SLC30A7: variants seen among roughly 807,000 people sequenced by gnomAD.
SLC30A7 encodes the protein solute carrier family 30 member 7.
SLC30A7 carries 35 observed loss-of-function variants against 46.0 expected under a neutral mutation model. That is an observed-to-expected ratio of 0.76 (90% CI 0.58 to 1.01). The LOEUF (loss-of-function observed/expected upper bound fraction) is 1.01, where lower values mean the gene tolerates loss of function less well. Among genes scored for constraint, SLC30A7 ranks in the 50% least tolerant of loss-of-function variants. The pLI, the probability that SLC30A7 is intolerant of heterozygous loss-of-function variation, is 0.00. For missense variants in SLC30A7, 464 were observed against 451.1 expected (o/e 1.03, Z -0.26); for synonymous variants, 147 against 157.8 (o/e 0.93, Z 0.51).
At chr1:100,985,435 A>G (rs550523678), downstream of SLC30A7, among the ~76,000 whole-genome samples, 1 of 152,336 alleles carries the variant, frequency 6.6e-6, no homozygotes, top group African/African-American at 2.4e-5. Flanking sequence ...TAACGTTTAT[A>G]TGGAAAGGCA....
At chr1:100,948,936 C>A (rs151031086) in intron 8 of SLC30A7, among the ~76,000 whole-genome samples, 8 of 152,190 alleles carry the variant, frequency 5.3e-5, no homozygotes, top group Non-Finnish European at 5.9e-5. Context: ...ATTCATCTAA[C>A]CTTTTTTCAA....
chr1:100,909,127 A>G (rs1400475275), intron 3 of SLC30A7, among the ~76,000 whole-genome samples: 1 of 151,994 alleles, frequency 6.6e-6, no homozygotes, highest in Non-Finnish European at 1.5e-5. Flanking sequence ...AACACTATGA[A>G]TAATTGGTAT....
intron 8 of SLC30A7, chr1:100,941,137 T>G (rs1654320462): frequency 3.0e-6 from 1 of 334,694 alleles, no homozygotes; most frequent in African/African-American, 2.2e-5. Flanking sequence ...GCCACCAAAG[T>G]TTCCTTCCTT....
chr1:100,995,959 T>C, the SLC30A7 span: 2 of 152,228 alleles, frequency 1.3e-5, no homozygotes, highest in Non-Finnish European at 2.9e-5. Flanking sequence ...GAGTCTTTAA[T>C]AGACTTATGC....
intron 6 of SLC30A7, among the ~76,000 whole-genome samples, chr1:100,914,596 G>A (rs570258552): frequency 6.6e-6 from 1 of 152,048 alleles, no homozygotes; most frequent in Non-Finnish European, 1.5e-5. Context: ...GTTATGAGGT[G>A]TTTATCAACT....
At chr1:100,935,023 G>A (rs934160641) in intron 8 of SLC30A7, among the ~76,000 whole-genome samples, 1 of 152,098 alleles carries the variant, frequency 6.6e-6, no homozygotes. Flanking sequence ...AAAAAATTCA[G>A]TGCCATGATT....
At chr1:100,914,394 T>C (rs973331091) in intron 6 of SLC30A7, among the ~76,000 whole-genome samples, 2 of 152,194 alleles carry the variant, frequency 1.3e-5, no homozygotes, top group African/African-American at 4.8e-5. Context: ...AACAATTGCA[T>C]TTTAGGAAAT....
chr1:100,946,818 A>G (rs1222434034), intron 8 of SLC30A7, among the ~76,000 whole-genome samples: 1 of 152,056 alleles, frequency 6.6e-6, no homozygotes, highest in African/African-American at 2.4e-5. Context: ...GTTAGGGAGG[A>G]TGCCCTCTTT....
At chr1:100,901,924 G>T (rs1651331027) in intron 2 of SLC30A7, among the ~76,000 whole-genome samples, 2 of 151,814 alleles carry the variant, frequency 1.3e-5, no homozygotes, top group Non-Finnish European at 2.9e-5. Flanking sequence ...GTAACCTTAG[G>T]TATTCTCTAT....
intron 7 of SLC30A7, among the ~76,000 whole-genome samples, chr1:100,920,537 A>T (rs1473613506): frequency 6.6e-6 from 1 of 152,030 alleles, no homozygotes; most frequent in Non-Finnish European, 1.5e-5. Flanking sequence ...ACGAAAAGTT[A>T]TATGTAGGTA....
At position 100,949,051 on chromosome 1, in the gene SLC30A7, A is replaced by G. The variant is rs1004116132; in HGVS notation, c.843-12777A>G. On this transcript the variant is annotated intron_variant, in intron 8 of 10. Transcript: ENST00000357650. ...TACTTCTGTCAACTCGTCTAAGTCCAGCTTTGTTCTGTTGCTGGTGAGGAG... is the reference window on the plus strand; with the variant it reads ...TACTTCTGTCAACTCGTCTAAGTCCGGCTTTGTTCTGTTGCTGGTGAGGAG... Among the ~76,000 whole-genome samples the G allele has an allele frequency of 2.0e-5, 3 of 152,114 alleles. No individual in the cohort carries two copies. The East Asian group carries it at 5.8e-4, about 29-fold the overall frequency.
chr1:100,963,767 C>CT (rs1208624910), intron 9 of SLC30A7, among the ~76,000 whole-genome samples: 2 of 152,130 alleles, frequency 1.3e-5, no homozygotes, highest in Non-Finnish European at 2.9e-5. Flanking sequence ...TAAATAGTCA[C>CT]ATATGTCTAG....
intron 8 of SLC30A7, among the ~76,000 whole-genome samples, chr1:100,922,309 A>G (rs1305303725): frequency 1.3e-5 from 2 of 152,004 alleles, no homozygotes; most frequent in Admixed American, 6.6e-5. Flanking sequence ...TTTGCCATGT[A>G]TTTGTTACCT....
intron 8 of SLC30A7, among the ~76,000 whole-genome samples, chr1:100,926,824 G>A (rs868593600): frequency 8.6e-4 from 131 of 152,120 alleles, no homozygotes; most frequent in African/African-American, 3.1e-3. Flanking sequence ...TAAAGCAAAC[G>A]AACATGCAAA....
At chr1:100,946,785 A>C (rs1179076873) in intron 8 of SLC30A7, among the ~76,000 whole-genome samples, 1 of 152,140 alleles carries the variant, frequency 6.6e-6, no homozygotes, top group East Asian at 1.9e-4. Context: ...TGGTATCTGC[A>C]TGATGCTGGC....
intron 8 of SLC30A7, 86 bp downstream of exon 8, chr1:100,921,927 T>C: frequency 8.2e-7 from 1 of 1,221,114 alleles, no homozygotes; most frequent in Non-Finnish European, 1.1e-6. Context: ...ATACAAATAA[T>C]TATGTTGGTT....
rs115923620 is a variant in SLC30A7, at chr1:100,903,021, A to G, written c.183-3831A>G. 7.0e-3 allele frequency among the ~76,000 whole-genome samples: 1,063 copies of G among 152,266 alleles called. 20 individuals are homozygous for G. Among genetic ancestry groups the G allele is most frequent in the African/African-American group, 0.024 (1,018 of 41,578 alleles). On this transcript the variant is annotated intron_variant, in intron 2 of 10. Coordinates refer to ENST00000357650, the MANE Select transcript of SLC30A7 (RefSeq NM_133496.5). ...TTTACAATGAATGCCCTGCCTTCTAAAACTGATTACAGTAATTTAAAATAA... is the reference window on the plus strand; with the variant it reads ...TTTACAATGAATGCCCTGCCTTCTAGAACTGATTACAGTAATTTAAAATAA...
chr1:100,942,591 C>T (rs185409997), intron 8 of SLC30A7, among the ~76,000 whole-genome samples: 33 of 152,262 alleles, frequency 2.2e-4, no homozygotes, highest in Admixed American at 3.9e-4. Flanking sequence ...AAGTGAAAAG[C>T]TGAGAATGGC....
intron 8 of SLC30A7, among the ~76,000 whole-genome samples, chr1:100,960,631 G>A (rs964911379): frequency 6.6e-6 from 1 of 152,018 alleles, no homozygotes; most frequent in African/African-American, 2.4e-5. Context: ...TTCACCTACA[G>A]CTATTATCTG....
Sources: gnomAD v4.1 joint callset for allele counts (sites outside exome capture counted in the v4.1 genomes callset) on GRCh38, gnomAD v4.1.1 for gene constraint, MANE v1.5 for transcripts, NCBI Gene and HGNC (gene_info 2026-07-23, HGNC 2026-07-21) for gene names.